The following NUDT19 variants were observed in gnomAD, a reference collection of about 807,000 sequenced individuals.
NUDT19 encodes nudix hydrolase 19, also known as acyl-coenzyme A diphosphatase NUDT19.
A neutral mutation model predicts 22.2 loss-of-function variants in NUDT19; 31 were observed. The ratio of observed to expected loss-of-function variants is 1.40; its 90% CI spans 1.05 to 1.89. NUDT19 has a LOEUF of 1.89. Ranked by LOEUF, NUDT19 falls within the 40% of genes most tolerant of loss-of-function variation. NUDT19 has a pLI of 0.00. For synonymous variants in NUDT19, 325 were observed against 230.8 expected (o/e 1.41, Z -3.70); for missense variants, 752 against 514.2 (o/e 1.46, Z -4.47).
chr19:32,705,087 CA>C (rs1176061400), intron 1 of NUDT19, among the ~76,000 whole-genome samples: 5 of 89,390 alleles, frequency 5.6e-5, no homozygotes, highest in African/African-American at 9.1e-5. Flanking sequence ...GCCTGGGGGA[CA>C]AGAGCAAGAC....
intron 1 of NUDT19, among the ~76,000 whole-genome samples, chr19:32,705,106 C>CAAAAAAAAAAAAAAA (rs34871387): frequency 1.8e-5 from 1 of 54,216 alleles, no homozygotes; most frequent in African/African-American, 7.0e-5. Flanking sequence ...GACTTCATCT[C>CAAAAAAAAAAAAAAA]AAAAAAAAAA....
At position 32,692,052 on chromosome 19, in the gene NUDT19, C is replaced by CCCCGCCGTCGCG; in HGVS notation, c.100_111dup (p.Ser34_Pro37dup). ...GGCTGGTCGCGCCCGGAGACCGCCA[C>CCCCGCCGTCGCG]CCCGCCGTCGCGCCCGCCGCCGGCC... On this transcript the variant is annotated inframe_insertion, in exon 1 of 3. Coordinates refer to ENST00000397061, the MANE Select transcript of NUDT19 (RefSeq NM_001105570.2). The CCCCGCCGTCGCG allele has an allele frequency of 3.9e-6, 5 of 1,289,718 alleles. No individual in the cohort carries two copies. Among genetic ancestry groups the CCCCGCCGTCGCG allele is most frequent in the Non-Finnish European group, 4.9e-6 (5 of 1,023,662 alleles). The allele number at this position is 1,289,718 out of a possible 1,614,324, so 79.9% of individuals were successfully genotyped here.
chr19:32,692,110 C>G lies in NUDT19; in HGVS notation c.150C>G (p.Ser50=). The change falls in exon 1 of 3, where the codon TCC becomes TCG. Residue 50 remains serine, a synonymous_variant. Coordinates refer to ENST00000397061, the MANE Select transcript of NUDT19 (RefSeq NM_001105570.2). ...TCCGGCTGCTGCTGCTGCAGCGCTC[C>G]CCGCACCAAGGCTTCATGCCGGGCG... is the stretch of plus-strand genomic sequence containing the variant. The part of the protein sequence containing the change: ...EGFRLLLLQR[S]PHQGFMPGAH... The G allele has an allele frequency of 2.1e-6, 3 of 1,426,090 alleles. No homozygotes were observed. The highest frequency in any genetic ancestry group is 2.7e-6 in the Non-Finnish European group (3 of 1,097,558). The allele number at this position is 1,426,090 out of a possible 1,614,324, so 88.3% of individuals were successfully genotyped here. A position where few individuals can be genotyped will look rare whatever the true frequency, so the allele number is the denominator to read the frequency against.
At chr19:32,695,660 T>G (rs1480865358) in intron 1 of NUDT19, among the ~76,000 whole-genome samples, 1 of 152,198 alleles carries the variant, frequency 6.6e-6, no homozygotes, top group Non-Finnish European at 1.5e-5. Context: ...CTCCTTCCCC[T>G]TTTTGATGGC....
At chr19:32,697,418 C>T (rs971771751) in intron 1 of NUDT19, among the ~76,000 whole-genome samples, 13 of 152,124 alleles carry the variant, frequency 8.5e-5, no homozygotes, top group East Asian at 3.8e-4. Flanking sequence ...TAAGGCCTCC[C>T]GTAGCTGCTC....
At chr19:32,706,319 T>G (rs1053390689) in intron 1 of NUDT19, among the ~76,000 whole-genome samples, 1 of 152,052 alleles carries the variant, frequency 6.6e-6, no homozygotes, top group East Asian at 1.9e-4. Flanking sequence ...ATTAAGATAT[T>G]TGGAGAGAGA....
At position 32,692,430 on chromosome 19, in the gene NUDT19, C is replaced by T. The variant is rs1187465156; in HGVS notation, c.470C>T (p.Ala157Val). Residue 157 changes from alanine (A) to valine (V), a missense_variant, in exon 1 of 3, where the codon GCC becomes GTC. Coordinates refer to ENST00000397061, the MANE Select transcript of NUDT19 (RefSeq NM_001105570.2). The part of the protein sequence containing the change: ...PPGPAPGPGL[A>V]LEPPPGLASW... ...GGCCCAGCACCCGGGCCTGGCCTCG[C>T]CCTGGAGCCACCGCCGGGCCTGGCC... is the stretch of plus-strand genomic sequence containing the variant. 5 of 1,552,870 alleles carry T rather than the reference C, an allele frequency of 3.2e-6. No individual in the cohort carries two copies. Among genetic ancestry groups the T allele is most frequent in the Admixed American group, 1.9e-5 (1 of 52,406 alleles).
intron 1 of NUDT19, among the ~76,000 whole-genome samples, chr19:32,697,115 T>C (rs1968273169): frequency 6.6e-6 from 1 of 152,174 alleles, no homozygotes; most frequent in Non-Finnish European, 1.5e-5. Context: ...ACCAGGTGAT[T>C]GGCCTGCTCC....
chr19:32,695,381 T>C (rs1968250952), intron 1 of NUDT19, among the ~76,000 whole-genome samples: 1 of 152,204 alleles, frequency 6.6e-6, no homozygotes, highest in South Asian at 2.1e-4. Context: ...GGTTTCACCA[T>C]GTTGGCCAAG....
intron 1 of NUDT19, among the ~76,000 whole-genome samples, chr19:32,695,333 C>T (rs184062729): frequency 7.1e-4 from 108 of 152,264 alleles, no homozygotes; most frequent in Non-Finnish European, 1.1e-3. Context: ...GCGCCCGCCA[C>T]CACACCTGGC....
chr19:32,711,849 C>A lies in NUDT19; in HGVS notation c.1020C>A (p.His340Gln). Reference sequence around the variant, plus strand: ...TCATGAAGGAAGGCAAGCAGTTTCACCGGATAGTGACATACCATCGCCACC... The same window carrying A: ...TCATGAAGGAAGGCAAGCAGTTTCAACGGATAGTGACATACCATCGCCACC... ...EEIMKEGKQF[H>Q]RIVTYHRHLY... is the part of the protein sequence containing the mutation. The change falls in exon 3 of 3, where the codon CAC becomes CAA. Residue 340 changes from histidine to glutamine, a missense_variant. His to Gln is a conservative substitution (Grantham distance 24, BLOSUM62 0). Coordinates refer to ENST00000397061, the MANE Select transcript of NUDT19 (RefSeq NM_001105570.2). The A allele has an allele frequency of 6.2e-7, 1 of 1,613,544 alleles. No individual in the cohort carries two copies. The highest frequency in any genetic ancestry group is 1.3e-5 in the African/African-American group (1 of 74,988).
intron 1 of NUDT19, among the ~76,000 whole-genome samples, chr19:32,700,153 T>C (rs569075935): frequency 1.3e-5 from 2 of 152,352 alleles, no homozygotes; most frequent in Admixed American, 1.3e-4. Flanking sequence ...TTGCTGCTGC[T>C]GGCTTGGGTG....
At position 32,692,537 on chromosome 19, in the gene NUDT19, G is replaced by C; in HGVS notation, c.577G>C (p.Ala193Pro). Reference sequence around the variant, plus strand: ...CCTCGACTGCACACCCGACATCTGGGCGCTGCACAACTGGAGCGCCTGGCT... The same window carrying C: ...CCTCGACTGCACACCCGACATCTGGCCGCTGCACAACTGGAGCGCCTGGCT... ...AHLDCTPDIW[A>P]LHNWSAWLTP... Residue 193 changes from alanine to proline, a missense_variant, in exon 1 of 3, where the codon GCG becomes CCG. Coordinates refer to ENST00000397061, the MANE Select transcript of NUDT19 (RefSeq NM_001105570.2). 1 of 1,591,284 alleles carries C rather than the reference G, an allele frequency of 6.3e-7. No homozygotes were observed. The highest frequency in any genetic ancestry group is 8.5e-7 in the Non-Finnish European group (1 of 1,171,306).
At chr19:32,708,995 C>T (rs990218329) in intron 1 of NUDT19, among the ~76,000 whole-genome samples, 190 bp from the exon 2 acceptor site, 3 of 152,194 alleles carry the variant, frequency 2.0e-5, no homozygotes, top group African/African-American at 7.2e-5. Context: ...TCCTAATAAG[C>T]AACCTCTTAA....
intron 1 of NUDT19, among the ~76,000 whole-genome samples, chr19:32,697,681 C>T (rs906070054): frequency 3.3e-5 from 5 of 152,126 alleles, no homozygotes; most frequent in Non-Finnish European, 5.9e-5. Context: ...GACTAAGATA[C>T]CAGGTATCTC....
chr19:32,696,051 A>G (rs1968260178), intron 1 of NUDT19, among the ~76,000 whole-genome samples: 1 of 152,124 alleles, frequency 6.6e-6, no homozygotes. Context: ...CGGGACTTCT[A>G]AGAGATCCTT....
intron 2 of NUDT19, 65 bp downstream of exon 2, chr19:32,709,457 G>A: frequency 1.6e-6 from 2 of 1,279,404 alleles, no homozygotes; most frequent in South Asian, 1.2e-5. Context: ...CTGCATGGCT[G>A]TATTGCCCAA....
At chr19:32,699,962 G>A (rs1968315272) in intron 1 of NUDT19, among the ~76,000 whole-genome samples, 1 of 152,168 alleles carries the variant, frequency 6.6e-6, no homozygotes, top group Admixed American at 6.5e-5. Context: ...GGCATGTCTG[G>A]AGTTGTTTGT....
chr19:32,708,106 G>A (rs936021702), intron 1 of NUDT19, among the ~76,000 whole-genome samples: 37 of 149,896 alleles, frequency 2.5e-4, no homozygotes, highest in African/African-American at 7.4e-4. Context: ...CCAAGATTGC[G>A]CTACTGCACT....
Sources: allele counts gnomAD v4.1 joint callset (sites outside exome capture counted in the v4.1 genomes callset), GRCh38; gene constraint gnomAD v4.1.1; transcripts MANE v1.5; gene names NCBI Gene and HGNC (gene_info 2026-07-23, HGNC 2026-07-21).